COPB1: variants seen among roughly 807,000 people sequenced by gnomAD.
The protein encoded by COPB1 is coatomer subunit beta.
A neutral mutation model predicts 108.7 loss-of-function variants in COPB1; 21 were observed. The observed-to-expected ratio is 0.19, with a 90% CI of 0.14 to 0.28. COPB1 has a LOEUF of 0.28. COPB1 is among the 10% of genes least tolerant of loss of function. The pLI is 1.00. For synonymous variants in COPB1, 378 were observed against 386.8 expected (o/e 0.98, Z 0.27); for missense variants, 919 against 1,141.3 (o/e 0.81, Z 2.81).
intron 7 of COPB1, among the ~76,000 whole-genome samples, chr11:14,485,595 C>G (rs576422698): frequency 6.6e-6 from 1 of 152,136 alleles, no homozygotes; most frequent in Non-Finnish European, 1.5e-5. Flanking sequence ...GCCTGTAATC[C>G]CAGCATTTTG....
intron 7 of COPB1, among the ~76,000 whole-genome samples, chr11:14,485,673 T>C (rs879664564): frequency 6.6e-5 from 10 of 152,038 alleles, no homozygotes; most frequent in Middle Eastern, 3.4e-3. Context: ...ATGGTGAAAC[T>C]CCATCTCTAC....
chr11:14,470,944 A>ACACACACACACACACACTCT (rs1285522756), intron 14 of COPB1, among the ~76,000 whole-genome samples: 32 of 90,146 alleles, frequency 3.5e-4, no homozygotes, highest in African/African-American at 1.6e-3. Flanking sequence ...ACACACACAC[A>ACACACACACACACACACTCT]CTCTCTCTCT....
chr11:14,464,603 GC>G (rs969992240), intron 18 of COPB1, among the ~76,000 whole-genome samples: 1 of 151,950 alleles, frequency 6.6e-6, no homozygotes, highest in Non-Finnish European at 1.5e-5. Context: ...CACACTGTTA[GC>G]ATTTTTTTTT....
At chr11:14,462,239 T>C (rs893276217) in intron 18 of COPB1, among the ~76,000 whole-genome samples, 1 of 150,562 alleles carries the variant, frequency 6.6e-6, no homozygotes, top group Non-Finnish European at 1.5e-5. Context: ...TTTTCTTTTT[T>C]TTTTTTTTTT....
chr11:14,466,530 A>G, intron 16 of COPB1, 104 bp from the exon 17 acceptor site: 1 of 1,184,030 alleles, frequency 8.4e-7, no homozygotes, highest in Non-Finnish European at 1.2e-6. Flanking sequence ...AGAGTTGCTT[A>G]GAAGTCATTT....
At chr11:14,485,563 G>A (rs1850750366) in intron 7 of COPB1, among the ~76,000 whole-genome samples, 1 of 152,184 alleles carries the variant, frequency 6.6e-6, no homozygotes, top group South Asian at 2.1e-4. Context: ...AACATGTTTT[G>A]TGGCCAGGCG....
chr11:14,476,762 CTTTT>C (rs10612229), intron 12 of COPB1, among the ~76,000 whole-genome samples, 153 bp downstream of exon 12: 2 of 131,008 alleles, frequency 1.5e-5, no homozygotes, highest in Non-Finnish European at 1.6e-5. Flanking sequence ...GCTACTGCTT[CTTTT>C]TTTTTTTTTT....
Position 14,488,602 on chromosome 11 carries a change from A to G in COPB1, c.607-18T>C. The G allele has an allele frequency of 6.5e-7, 1 of 1,527,790 alleles. No homozygotes were observed. Among genetic ancestry groups the G allele is most frequent in the Non-Finnish European group, 9.0e-7 (1 of 1,110,704 alleles). 94.6% of individuals were successfully genotyped at this position (1,527,790 alleles called of 1,614,324 possible). ...GCTCGATCCTAAAAAAAATAAGAAT[A>G]TATTTATCATTCTCCACCTCATTCA... On this transcript the variant is annotated intron_variant, in intron 5 of 21. Coordinates refer to ENST00000439561, the MANE Select transcript of COPB1 (RefSeq NM_001144061.2).
At position 14,495,848 on chromosome 11, in the gene COPB1, T is replaced by A. The variant is rs1258814186; in HGVS notation, c.92-1409A>T. ...TCCTGAGGATCTAACAATGAAAATT[T>A]TTAAATTATGAGGAAAAACACTAAT... On this transcript the variant is annotated intron_variant, in intron 2 of 21. Transcript: ENST00000439561. Among the ~76,000 whole-genome samples the A allele has an allele frequency of 2.0e-5, 3 of 152,334 alleles. No homozygotes were observed. The East Asian group carries it at 5.8e-4, about 29-fold the overall frequency.
intron 14 of COPB1, among the ~76,000 whole-genome samples, chr11:14,472,280 T>C (rs1850425409): frequency 6.6e-6 from 1 of 152,246 alleles, no homozygotes; most frequent in Non-Finnish European, 1.5e-5. Flanking sequence ...GGTGACCAGC[T>C]AAATTGTCAA....
rs1158415746 is a variant in COPB1 at position 14,493,736 on chromosome 11, G to C, written c.397C>G (p.Leu133Val). 6.2e-7 allele frequency: 1 copy of C among 1,613,624 alleles called. No individual in the cohort carries two copies. Among genetic ancestry groups the C allele is most frequent in the Non-Finnish European group, 8.5e-7 (1 of 1,179,896 alleles). Residue 133 changes from leucine to valine, a missense_variant, in exon 4 of 22, where the codon CTA (leucine) becomes GTA (valine). Physicochemically the swap from Leu to Val is conservative, Grantham distance 32. Around this residue, in one of 5 missense-constraint regions of COPB1, gnomAD observed 22 missense variants for 58.8 expected, o/e 0.37. Transcript: ENST00000439561. ...CGAATAGCTGGCATTAAAGGTTCTA[G>C]CAATTCTGCTTCTTTCAATTTGCAA... ...FLCKLKEAEL[L>V]EPLMPAIRAC...
intron 14 of COPB1, among the ~76,000 whole-genome samples, chr11:14,470,543 A>G (rs1850376858): frequency 2.0e-5 from 3 of 152,210 alleles, no homozygotes; most frequent in African/African-American, 7.2e-5. Context: ...CTCATGTAGC[A>G]TTATCCTGAC....
At chr11:14,461,823 A>G (rs560056584) in intron 18 of COPB1, among the ~76,000 whole-genome samples, 1 of 152,312 alleles carries the variant, frequency 6.6e-6, no homozygotes, top group Non-Finnish European at 1.5e-5. Flanking sequence ...CCTCAGTATT[A>G]ATGGGGAATT....
chr11:14,473,719 T>A (rs571273051), intron 14 of COPB1, among the ~76,000 whole-genome samples: 2 of 152,210 alleles, frequency 1.3e-5, no homozygotes, highest in Admixed American at 6.5e-5. Flanking sequence ...ATGAAAAAGT[T>A]TGAAATATTG....
At chr11:14,462,220 G>A (rs1384399211) in intron 18 of COPB1, among the ~76,000 whole-genome samples, 1 of 150,238 alleles carries the variant, frequency 6.7e-6, no homozygotes, top group East Asian at 1.9e-4. Flanking sequence ...CTCTTTCTAG[G>A]CTCTTTTCTT....
intron 14 of COPB1, among the ~76,000 whole-genome samples, chr11:14,472,407 T>C (rs1179880602): frequency 6.6e-6 from 1 of 152,232 alleles, no homozygotes; most frequent in Non-Finnish European, 1.5e-5. Flanking sequence ...CAGGCTTTGT[T>C]GTTCCACTGA....
At chr11:14,494,488 AT>A (rs757278873) in intron 2 of COPB1, 49 bp from the exon 3 acceptor site, 2 of 1,076,820 alleles carry the variant, frequency 1.9e-6, no homozygotes, top group South Asian at 2.9e-5. Flanking sequence ...TCAAAAGAAA[AT>A]TCATCACATA....
chr11:14,498,958 G>A lies in COPB1; in HGVS notation c.-30C>T. On this transcript the variant is annotated 5_prime_UTR_variant, in exon 2 of 22. Coordinates refer to ENST00000439561, the MANE Select transcript of COPB1 (RefSeq NM_001144061.2). ...TCTGGTTATATTATAACCAATCCTT[G>A]ACACAAGATTTAAGGATGCCAGAAA... The A allele has an allele frequency of 1.9e-6, 3 of 1,540,270 alleles. No individual in the cohort carries two copies. Among genetic ancestry groups the A allele is most frequent in the Non-Finnish European group, 2.6e-6 (3 of 1,132,788 alleles).
At chr11:14,467,030 A>C (rs975837340) in intron 16 of COPB1, among the ~76,000 whole-genome samples, 1 of 152,204 alleles carries the variant, frequency 6.6e-6, no homozygotes, top group Non-Finnish European at 1.5e-5. Context: ...ATAGGCAATA[A>C]AAGAAAAAAT....
Sources: gnomAD v4.1 joint callset for allele counts (sites outside exome capture counted in the v4.1 genomes callset) on GRCh38, gnomAD v4.1.1 for gene constraint, gnomAD v4.1.1 regional missense constraint, MANE v1.5 for transcripts, NCBI Gene and HGNC (gene_info 2026-07-23, HGNC 2026-07-21) for gene names.